Variants in PDE1A observed in about 807,000 individuals in gnomAD.
The protein encoded by PDE1A is phosphodiesterase 1A.
Under a neutral mutation model 61.7 loss-of-function variants are expected in PDE1A, and 35 were observed. That is an observed-to-expected ratio of 0.57 (90% CI 0.43 to 0.75). PDE1A has a LOEUF of 0.75. PDE1A is among the 30% of genes least tolerant of loss of function. PDE1A has a pLI of 0.00. For synonymous variants in PDE1A, 232 were observed against 213.2 expected (o/e 1.09, Z -0.77); for missense variants, 597 against 630.6 (o/e 0.95, Z 0.57).
At chr2:182,352,734 C>T (rs563879299) in intron 1 of PDE1A, among the ~76,000 whole-genome samples, 57 of 151,450 alleles carry the variant, frequency 3.8e-4, no homozygotes, top group Middle Eastern at 6.8e-3. Context: ...GAGTTGCCTA[C>T]AGTAGCTGAC....
intron 10 of PDE1A, among the ~76,000 whole-genome samples, chr2:182,190,762 C>G (rs949921862): frequency 6.6e-6 from 1 of 152,158 alleles, no homozygotes; most frequent in East Asian, 1.9e-4. Context: ...TTGAGACCAT[C>G]CTGGCCAACA....
At chr2:182,528,250 T>C in the PDE1A span, among the ~76,000 whole-genome samples, 2 of 152,090 alleles carry the variant, frequency 1.3e-5, no homozygotes, top group African/African-American at 4.8e-5. Context: ...CAGGCTGAGG[T>C]GGTCTCAAAT....
chr2:182,272,374 T>C (rs11886669), intron 1 of PDE1A, among the ~76,000 whole-genome samples: 40,221 of 151,890 alleles, frequency 0.26, 5,436 homozygotes, highest in Middle Eastern at 0.38. Flanking sequence ...AACTGCATAT[T>C]TTCATTTTTT....
intron 1 of PDE1A, among the ~76,000 whole-genome samples, chr2:182,265,665 G>A (rs1204556911): frequency 1.3e-5 from 2 of 152,084 alleles, no homozygotes; most frequent in Non-Finnish European, 2.9e-5. Flanking sequence ...AAAGTAAGGT[G>A]ATACAAATTA....
chr2:182,650,333 G>A, the PDE1A span, among the ~76,000 whole-genome samples: 1 of 152,188 alleles, frequency 6.6e-6, no homozygotes, highest in African/African-American at 2.4e-5. Context: ...AAAATCCCAG[G>A]AGACCAGGTT....
the PDE1A span, among the ~76,000 whole-genome samples, chr2:182,624,488 A>G: frequency 6.6e-6 from 1 of 152,222 alleles, no homozygotes; most frequent in African/African-American, 2.4e-5. Flanking sequence ...ATGGGGACCA[A>G]TGAACACTAT....
At chr2:182,187,024 T>C (rs1685266680) in intron 11 of PDE1A, among the ~76,000 whole-genome samples, 1 of 152,224 alleles carries the variant, frequency 6.6e-6, no homozygotes, top group Admixed American at 6.5e-5. Flanking sequence ...TCCAAAGAAA[T>C]TAAATAATTG....
intron 4 of PDE1A, 139 bp from the exon 5 acceptor site, chr2:182,231,270 A>C: frequency 1.6e-6 from 1 of 637,858 alleles, no homozygotes; most frequent in Non-Finnish European, 2.8e-6. Context: ...CCAGAGTTTC[A>C]TAGGACAGGA....
At chr2:182,246,345 A>G (rs1226207172) in intron 2 of PDE1A, among the ~76,000 whole-genome samples, 1 of 151,344 alleles carries the variant, frequency 6.6e-6, no homozygotes. Context: ...CCCAATAGTA[A>G]GCATTTTTCA....
upstream of PDE1A, among the ~76,000 whole-genome samples, chr2:182,527,303 T>TTAAAAAAA (rs1690785942): frequency 1.3e-4 from 3 of 22,836 alleles, no homozygotes; most frequent in African/African-American, 6.0e-4. Context: ...CCTTTCTCTA[T>TTAAAAAAA]AAAAAAAAAA....
In PDE1A at chr2:182,201,667, CA is replaced by C. The variant is rs775589655; in HGVS notation, c.1004+20del. The C allele has an allele frequency of 6.7e-6, 8 of 1,186,802 alleles. No homozygotes were observed. The highest frequency in any genetic ancestry group is 1.5e-5 in the South Asian group (1 of 66,642). The allele number at this position is 1,186,802 out of a possible 1,614,324, so 73.5% of individuals were successfully genotyped here. A position where few individuals can be genotyped will look rare whatever the true frequency, so the allele number is the denominator to read the frequency against. ...TAACATGACAAAAAAAAAAAAACAA[CA>C]AAAAAAACACAAAACCTACCCTTCA... On this transcript the variant is annotated intron_variant, in intron 9 of 13. Transcript: ENST00000351439.
intron 2 of PDE1A, among the ~76,000 whole-genome samples, chr2:182,505,595 C>A (rs1689357141): frequency 6.6e-6 from 1 of 152,168 alleles, no homozygotes; most frequent in South Asian, 2.1e-4. Flanking sequence ...TTTAGAGGGG[C>A]CTCAGCTGGA....
intron 1 of PDE1A, among the ~76,000 whole-genome samples, chr2:182,406,116 A>ATAG (rs1193759894): frequency 6.6e-6 from 1 of 152,086 alleles, no homozygotes; most frequent in East Asian, 1.9e-4. Flanking sequence ...CACTTTCTAT[A>ATAG]TAGTACTTCA....
intron 2 of PDE1A, among the ~76,000 whole-genome samples, chr2:182,482,532 A>C (rs1055976003): frequency 5.3e-5 from 8 of 152,010 alleles, no homozygotes; most frequent in Non-Finnish European, 1.2e-4. Flanking sequence ...GAAAATAGCT[A>C]TACAACTGGA....
chr2:182,594,411 C>T, the PDE1A span, among the ~76,000 whole-genome samples: 1 of 152,212 alleles, frequency 6.6e-6, no homozygotes, highest in African/African-American at 2.4e-5. Context: ...GTCCTCACAG[C>T]AACTCCTACA....
chr2:182,561,788 T>A, the PDE1A span, among the ~76,000 whole-genome samples: 7 of 152,094 alleles, frequency 4.6e-5, no homozygotes, highest in Middle Eastern at 3.4e-3. Flanking sequence ...TGTAAGTTGG[T>A]TTCCTAGGTA....
chr2:182,640,713 A>T, the PDE1A span, among the ~76,000 whole-genome samples: 2 of 152,150 alleles, frequency 1.3e-5, no homozygotes, highest in East Asian at 3.9e-4. Context: ...GAAAAAAAGA[A>T]TTCTGAATTA....
chr2:182,205,783 C>G (rs1053176418), intron 8 of PDE1A, among the ~76,000 whole-genome samples, 157 bp downstream of exon 8: 13 of 152,112 alleles, frequency 8.5e-5, no homozygotes, highest in African/African-American at 1.7e-4. Flanking sequence ...TGAACAAAGT[C>G]CCTAAGTACT....
chr2:182,493,495 T>C (rs563768418), intron 2 of PDE1A, among the ~76,000 whole-genome samples: 19 of 152,264 alleles, frequency 1.2e-4, no homozygotes, highest in Admixed American at 5.2e-4. Flanking sequence ...AGTGTTCTCA[T>C]TGTTCAATTC....
Sources: allele counts gnomAD v4.1 joint callset (sites outside exome capture counted in the v4.1 genomes callset), GRCh38; gene constraint gnomAD v4.1.1; transcripts MANE v1.5; gene names NCBI Gene and HGNC (gene_info 2026-07-23, HGNC 2026-07-21).